Variants in FAM193A observed in about 807,000 individuals in gnomAD.
The protein encoded by FAM193A is family with sequence similarity 193 member A, also known as protein FAM193A.
A neutral mutation model predicts 126.5 loss-of-function variants in FAM193A; 22 were observed. The observed-to-expected ratio is 0.17, with a 90% CI of 0.12 to 0.25. The LOEUF is 0.25. Ranked by LOEUF, FAM193A falls within the 10% of genes least tolerant of loss-of-function variation. The pLI, the probability that FAM193A is intolerant of heterozygous loss-of-function variation, is 1.00. For missense variants in FAM193A, 1,675 were observed against 1,672.8 expected (o/e 1.00, Z -0.02); for synonymous variants, 761 against 646.8 (o/e 1.18, Z -2.68).
chr4:2,668,176 A>G (rs181734932), intron 12 of FAM193A, among the ~76,000 whole-genome samples: 98 of 150,682 alleles, frequency 6.5e-4, no homozygotes, highest in African/African-American at 2.2e-3. Context: ...AAGTGCTAAG[A>G]TTACACTTAA....
At chr4:2,652,706 A>G (rs953748714) in intron 7 of FAM193A, among the ~76,000 whole-genome samples, 6 of 152,212 alleles carry the variant, frequency 3.9e-5, no homozygotes, top group African/African-American at 1.4e-4. Flanking sequence ...TGGGGATTAC[A>G]GTTTGACATG....
intron 13 of FAM193A, among the ~76,000 whole-genome samples, chr4:2,678,552 G>A (rs547815940): frequency 6.6e-5 from 10 of 151,758 alleles, no homozygotes; most frequent in Middle Eastern, 3.4e-3. Flanking sequence ...TAGTAGAGAC[G>A]GGGTTTCACC....
At chr4:2,680,455 G>GATTAC in intron 13 of FAM193A, among the ~76,000 whole-genome samples, 1 of 151,858 alleles carries the variant, frequency 6.6e-6, no homozygotes, top group South Asian at 2.1e-4. Context: ...CAATAGCTGG[G>GATTAC]ATTACAGGCA....
chr4:2,589,092 A>G (rs1560463524), intron 1 of FAM193A, among the ~76,000 whole-genome samples: 1 of 152,230 alleles, frequency 6.6e-6, no homozygotes, highest in Non-Finnish European at 1.5e-5. Flanking sequence ...GCTGGCTCAG[A>G]TATTTGTTTT....
At position 2,625,380 on chromosome 4, in the gene FAM193A, C is replaced by T. The variant is rs1006316537; in HGVS notation, c.620C>T (p.Ala207Val). 1.1e-5 allele frequency: 8 copies of T among 702,584 alleles called. No homozygotes were observed. Among genetic ancestry groups the T allele is most frequent in the Non-Finnish European group, 2.1e-5 (8 of 384,674 alleles). 43.5% of individuals were successfully genotyped at this position (702,584 alleles called of 1,614,324 possible). A position where few individuals can be genotyped will look rare whatever the true frequency, so the allele number is the denominator to read the frequency against. ...TCAGACACCGCATGCTCGTGCGAGG[C>T]CTGCAGTGAGCGCAGGTATGTGACG... ...LPSDTACSCEACSERREISAE... is the reference protein window; with the variant it reads ...LPSDTACSCEVCSERREISAE... The change falls in exon 3 of 21, where the codon GCC becomes GTC. Residue 207 changes from alanine to valine, a missense_variant. Physicochemically the swap from Ala to Val is moderately conservative, Grantham distance 64. Transcript: ENST00000637812.
At chr4:2,590,482 A>AC (rs1560464512) in intron 1 of FAM193A, among the ~76,000 whole-genome samples, 1,835 of 96,068 alleles carry the variant, frequency 0.019, 388 homozygotes, top group African/African-American at 0.11. Context: ...AAAACAAAAA[A>AC]AAACAAAAAA....
intron 1 of FAM193A, among the ~76,000 whole-genome samples, chr4:2,585,552 G>A (rs1426153670): frequency 6.6e-6 from 1 of 152,084 alleles, no homozygotes; most frequent in African/African-American, 2.4e-5. Context: ...CAGTCAAGTT[G>A]TATATCTTTT....
rs773803357 is a variant in FAM193A at position 2,660,050 on chromosome 4, A to G, written c.1741A>G (p.Thr581Ala). 7 of 1,613,292 alleles carry G rather than the reference A, an allele frequency of 4.3e-6. No individual in the cohort carries two copies. In the East Asian group the frequency reaches 8.9e-5, roughly 21 times the overall value. ...LILTDSGSAP[T>A]FCSDDEDVAP... is the part of the protein sequence containing the mutation. ...CCTCACAGACAGTGGCTCGGCACCA[A>G]CTTTGTAAGTTGTGACTTTGTAATA... The change falls in exon 10 of 21, where the codon ACT becomes GCT. Residue 581 changes from threonine (T) to alanine (A), a missense_variant. Coordinates refer to ENST00000637812, the MANE Select transcript of FAM193A (RefSeq NM_001366318.2).
At chr4:2,565,536 G>A (rs997648173) in intron 1 of FAM193A, among the ~76,000 whole-genome samples, 3 of 151,994 alleles carry the variant, frequency 2.0e-5, no homozygotes, top group Admixed American at 6.6e-5. Context: ...GATTACAGGC[G>A]TGAGCCACCG....
intron 19 of FAM193A, among the ~76,000 whole-genome samples, chr4:2,706,856 C>T (rs560521496): frequency 4.3e-4 from 66 of 151,960 alleles, no homozygotes; most frequent in African/African-American, 1.5e-3. Flanking sequence ...GGGCCGGGCT[C>T]ACACCTGTAA....
At position 2,612,072 on chromosome 4, in the gene FAM193A, G is replaced by A. The variant is rs534090124; in HGVS notation, c.502-13190G>A. On this transcript the variant is annotated intron_variant, in intron 2 of 20. Coordinates refer to ENST00000637812, the MANE Select transcript of FAM193A (RefSeq NM_001366318.2). ...AGGATGGTCTCGTTCTCCTGACCTC[G>A]TGTTCCGTCTGTCTCGGCCTCCCAA... Among the ~76,000 whole-genome samples the A allele has an allele frequency of 2.6e-5, 4 of 151,614 alleles. No homozygotes were observed. In the East Asian group the frequency reaches 5.9e-4, roughly 23 times the overall value.
intron 1 of FAM193A, among the ~76,000 whole-genome samples, chr4:2,578,869 A>G (rs1407649039): frequency 6.6e-6 from 1 of 151,474 alleles, no homozygotes; most frequent in Non-Finnish European, 1.5e-5. Flanking sequence ...CTAGGCTGAG[A>G]GAGGAGGAGG....
chr4:2,693,974 A>C (rs1400810242), intron 16 of FAM193A, 100 bp downstream of exon 16: 15 of 1,286,476 alleles, frequency 1.2e-5, no homozygotes, highest in African/African-American at 4.4e-5. Flanking sequence ...CATGCAGTGG[A>C]AAAGTCTAGT....
chr4:2,555,169 T>C (rs1301157900), intron 1 of FAM193A, among the ~76,000 whole-genome samples: 1 of 152,332 alleles, frequency 6.6e-6, no homozygotes, highest in Non-Finnish European at 1.5e-5. Flanking sequence ...ACTAGACTTT[T>C]TGACCTTGTA....
intron 2 of FAM193A, among the ~76,000 whole-genome samples, chr4:2,616,542 CTCT>C (rs778155861): frequency 6.6e-6 from 1 of 151,738 alleles, no homozygotes; most frequent in Non-Finnish European, 1.5e-5. Flanking sequence ...TTATTTGTTA[CTCT>C]TCTTTTAAAT....
At chr4:2,664,409 A>G (rs1023132385) in intron 12 of FAM193A, among the ~76,000 whole-genome samples, 5 of 152,234 alleles carry the variant, frequency 3.3e-5, no homozygotes, top group Middle Eastern at 3.4e-3. Context: ...GTAAGAGTTT[A>G]TATTTGGACA....
intron 20 of FAM193A, among the ~76,000 whole-genome samples, chr4:2,726,444 AT>A (rs911061289): frequency 1.1e-4 from 16 of 151,782 alleles, no homozygotes; most frequent in African/African-American, 3.9e-4. Context: ...GAGGCAAGAG[AT>A]TTGGGTTTCA....
At chr4:2,729,868 T>C (rs1418291685) in intron 20 of FAM193A, among the ~76,000 whole-genome samples, 1 of 152,118 alleles carries the variant, frequency 6.6e-6, no homozygotes, top group Non-Finnish European at 1.5e-5. Context: ...CACCTCAGCC[T>C]CCCAAAGTGC....
chr4:2,567,841 A>G (rs1479471358), intron 1 of FAM193A, among the ~76,000 whole-genome samples: 1 of 152,184 alleles, frequency 6.6e-6, no homozygotes, highest in African/African-American at 2.4e-5. Flanking sequence ...TAGTGACTGA[A>G]CAGGGACTTC....
Sources: allele counts gnomAD v4.1 joint callset (sites outside exome capture counted in the v4.1 genomes callset), GRCh38; gene constraint gnomAD v4.1.1; transcripts MANE v1.5; gene names NCBI Gene and HGNC (gene_info 2026-07-23, HGNC 2026-07-21).